Variants in QRICH2 observed in about 807,000 individuals in gnomAD.
The protein encoded by QRICH2 is glutamine-rich protein 2.
QRICH2 carries 119 observed loss-of-function variants against 168.3 expected under a neutral mutation model. The observed-to-expected ratio is 0.71, with a 90% confidence interval of 0.61 to 0.82. QRICH2 has a LOEUF of 0.82. Among genes scored for constraint, QRICH2 ranks in the 40% least tolerant of loss-of-function variants. QRICH2 has a pLI of 0.00. For synonymous variants in QRICH2, 894 were observed against 951.2 expected (o/e 0.94, Z 1.11); for missense variants, 2,241 against 2,491.6 (o/e 0.90, Z 2.14).
At position 76,280,524 on chromosome 17, in the gene QRICH2, G is replaced by GACCCCT. The variant is rs1198870074; in HGVS notation, c.4462-79_4462-74dup. The GACCCCT allele has an allele frequency of 6.3e-7, 1 of 1,589,302 alleles. No individual in the cohort carries two copies. Among genetic ancestry groups the GACCCCT allele is most frequent in the Non-Finnish European group, 8.6e-7 (1 of 1,163,468 alleles). ...AGGGGCCCCATTCCCTGGGGGTGTCGACCCCTATCACCAGGCAGGTTTCTG... is the reference window on the plus strand; with the variant it reads ...AGGGGCCCCATTCCCTGGGGGTGTCGACCCCTACCCCTATCACCAGGCAGGTTTCTG... On this transcript the variant is annotated intron_variant, in intron 10 of 18. Coordinates refer to ENST00000680821, the MANE Select transcript of QRICH2 (RefSeq NM_001388453.1). The surrounding 1 kb of genome is among the most constrained non-coding windows in gnomAD (Gnocchi z 7.4).
At chr17:76,297,931 T>C (rs150925384) in intron 3 of QRICH2, among the ~76,000 whole-genome samples, 211 of 135,778 alleles carry the variant, frequency 1.6e-3, no homozygotes, top group African/African-American at 5.2e-3. Context: ...CAGGCTGGAG[T>C]GCAGTGGCAC....
In QRICH2 at chr17:76,308,088, C is replaced by T. The variant is rs2071019570; in HGVS notation, c.-90G>A. On this transcript the variant is annotated 5_prime_UTR_variant, in exon 1 of 19. Transcript: ENST00000680821. ...CCGCGCCTTGGGGCCTTTCGGGGGC[C>T]CTGCGAGGTCCTCGGGGCGCCCCTG... The T allele has an allele frequency of 8.2e-7, 1 of 1,225,498 alleles. No individual in the cohort carries two copies. Among genetic ancestry groups the T allele is most frequent in the Non-Finnish European group, 1.0e-6 (1 of 984,592 alleles). The allele number at this position is 1,225,498 out of a possible 1,614,324, so 75.9% of individuals were successfully genotyped here. A position where few individuals can be genotyped will look rare whatever the true frequency, so the allele number is the denominator to read the frequency against.
chr17:76,293,856 T>C lies in QRICH2; in HGVS notation c.871A>G (p.Thr291Ala). 1 of 1,614,060 alleles carries C rather than the reference T, an allele frequency of 6.2e-7. No homozygotes were observed. The highest frequency in any genetic ancestry group is 1.3e-5 in the African/African-American group (1 of 75,012). ...PDRTASGSGGTAHPSDGVSSR... is the reference protein window; with the variant it reads ...PDRTASGSGGAAHPSDGVSSR... The stretch of plus-strand genomic sequence containing the variant: ...GAAACCCCATCAGAGGGGTGTGCTG[T>C]GCCACCAGATCCTGATGCAGTCCGA... Residue 291 changes from threonine to alanine, a missense_variant, in exon 4 of 19, where the codon ACA becomes GCA. By Grantham distance (58) the Thr-to-Ala change is moderately conservative. Transcript: ENST00000680821.
rs749670819 is a variant in QRICH2 at position 76,287,262 on chromosome 17, TCC to T, written c.3939_3940del (p.Ser1315ProfsTer14). The T allele has an allele frequency of 4.3e-6, 7 of 1,614,016 alleles. No individual in the cohort carries two copies. The highest frequency in any genetic ancestry group is 5.9e-6 in the Non-Finnish European group (7 of 1,179,984). Reference sequence around the variant, plus strand: ...GGCAGCCTTGCCCCTGTCTTGGCTCTCCCTCAACTCGGCCAGCTCCTTTTCTA... The same window carrying T: ...GGCAGCCTTGCCCCTGTCTTGGCTCTCTCAACTCGGCCAGCTCCTTTTCTA... On this transcript the variant is annotated frameshift_variant, in exon 7 of 19. Transcript: ENST00000680821. LOFTEE classifies it high-confidence loss of function.
At chr17:76,279,286 G>A in intron 13 of QRICH2, 77 bp downstream of exon 13, 1 of 1,386,678 alleles carries the variant, frequency 7.2e-7, no homozygotes, top group Non-Finnish European at 1.0e-6. Flanking sequence ...GAAAGGGAGA[G>A]GACAGGTGGA....
At chr17:76,285,715 G>A (rs899389209) in intron 7 of QRICH2, among the ~76,000 whole-genome samples, 2 of 151,870 alleles carry the variant, frequency 1.3e-5, no homozygotes, top group South Asian at 2.1e-4. Context: ...TGGGCATGGT[G>A]GCAGGCACCT....
Position 76,280,460 on chromosome 17 carries a change from AG to A in QRICH2, c.4462-10del. 6.2e-7 allele frequency: 1 copy of A among 1,612,978 alleles called. No homozygotes were observed. The highest frequency in any genetic ancestry group is 1.3e-5 in the African/African-American group (1 of 75,026). On this transcript the variant is annotated splice_polypyrimidine_tract_variant and intron_variant, in intron 10 of 18. Coordinates refer to ENST00000680821, the MANE Select transcript of QRICH2 (RefSeq NM_001388453.1). The surrounding 1 kb of genome is among the most constrained non-coding windows in gnomAD (Gnocchi z 7.4). Reference sequence around the variant, plus strand: ...GCACTCTTGTCGGCTTTCTGCCCAGAGACAGACAGAGGTCCCCGCATCTGGG... The same window carrying A: ...GCACTCTTGTCGGCTTTCTGCCCAGAACAGACAGAGGTCCCCGCATCTGGG...
rs1184758982 is a variant in QRICH2, at chr17:76,308,225, G to A, written c.-227C>T. 15 of 985,404 alleles carry A rather than the reference G, an allele frequency of 1.5e-5. No individual in the cohort carries two copies. The highest frequency in any genetic ancestry group is 1.8e-5 in the Non-Finnish European group (15 of 829,904). The allele number at this position is 985,404 out of a possible 1,614,324, so 61.0% of individuals were successfully genotyped here. On this transcript the variant is annotated 5_prime_UTR_variant, in exon 1 of 19. Transcript: ENST00000680821. The stretch of plus-strand genomic sequence containing the variant: ...CCCTCCGCTGTCTGTCGCTGGCCTC[G>A]GGTCCCCGAGCTGGAGCCCTGGACT...
intron 4 of QRICH2, among the ~76,000 whole-genome samples, chr17:76,290,386 G>A (rs1466072152): frequency 6.6e-6 from 1 of 151,954 alleles, no homozygotes; most frequent in Non-Finnish European, 1.5e-5. Context: ...CAAATGTTAA[G>A]TTTTGTTTTG....
intron 7 of QRICH2, among the ~76,000 whole-genome samples, chr17:76,284,034 G>T (rs1407227130): frequency 7.1e-6 from 1 of 140,434 alleles, no homozygotes; most frequent in Non-Finnish European, 1.5e-5. Context: ...CAGGCATGGC[G>T]GTGTGCACCT....
In QRICH2 at chr17:76,292,755, C is replaced by A; in HGVS notation, c.1972G>T (p.Gly658Cys). ...TCTACACCAGGCTGTACCAAGACAC[C>A]CTGACCTGTGCCAGATTGGACCAAA... ...HDLVQSGTGQ[G>C]VLVQPGVDQP... Residue 658 changes from glycine (G) to cysteine (C), a missense_variant, in exon 4 of 19, where the codon GGT (glycine) becomes TGT (cysteine). Gly to Cys is a radical substitution (Grantham distance 159, BLOSUM62 -3). This residue lies in a region of QRICH2 where 2,047 missense variants were observed against 2,303.8 expected (regional missense o/e 0.89). Coordinates refer to ENST00000680821, the MANE Select transcript of QRICH2 (RefSeq NM_001388453.1). 4 of 1,610,652 alleles carry A rather than the reference C, an allele frequency of 2.5e-6. No homozygotes were observed. In the South Asian group the frequency reaches 4.4e-5, roughly 18 times the overall value.
intron 15 of QRICH2, 90 bp downstream of exon 15, chr17:76,277,899 G>A (rs1024638196): frequency 1.7e-5 from 24 of 1,392,958 alleles, no homozygotes; most frequent in African/African-American, 2.8e-5. Context: ...CCCAGCAGTG[G>A]GGCAAGGCAT....
intron 4 of QRICH2, 132 bp downstream of exon 4, chr17:76,290,883 C>G (rs1363702316): frequency 7.1e-7 from 1 of 1,399,574 alleles, no homozygotes; most frequent in Non-Finnish European, 9.6e-7. Context: ...GGGACATGCT[C>G]TGAATGACAT....
chr17:76,304,859 C>T, intron 2 of QRICH2, 23 bp downstream of exon 2: 1 of 1,576,584 alleles, frequency 6.3e-7, no homozygotes, highest in Non-Finnish European at 8.7e-7. Context: ...AGAGCCCTTT[C>T]CCATGGAACT....
At position 76,291,405 on chromosome 17, in the gene QRICH2, A is replaced by G; in HGVS notation, c.3322T>C (p.Ser1108Pro). The change falls in exon 4 of 19, where the codon TCA becomes CCA. Residue 1108 changes from serine (S) to proline (P), a missense_variant. Physicochemically the swap from Ser to Pro is moderately conservative, Grantham distance 74 (BLOSUM62 -1). This residue lies in a region of QRICH2 where 2,047 missense variants were observed against 2,303.8 expected (regional missense o/e 0.89). Transcript: ENST00000680821. Reference protein sequence around the residue: ...HAFSLFDSHDSMYPGYRGPGY... With the variant: ...HAFSLFDSHDPMYPGYRGPGY... ...GGGCCACGATAACCAGGATACATTG[A>G]ATCATGACTGTCAAAGAGAGAGAAA... 3 of 1,614,082 alleles carry G rather than the reference A, an allele frequency of 1.9e-6. No homozygotes were observed. The highest frequency in any genetic ancestry group is 2.2e-5 in the South Asian group (2 of 91,078).
chr17:76,277,382 G>A (rs2070701760), intron 15 of QRICH2, 72 bp from the exon 16 acceptor site: 1 of 1,537,684 alleles, frequency 6.5e-7, no homozygotes, highest in Middle Eastern at 1.7e-4. Flanking sequence ...ACCCACCCAT[G>A]GGGCTGACCA....
In QRICH2 at chr17:76,308,127, C is replaced by T. The variant is rs1224086470; in HGVS notation, c.-129G>A. The T allele has an allele frequency of 1.7e-6, 2 of 1,186,414 alleles. No homozygotes were observed. The highest frequency in any genetic ancestry group is 2.0e-6 in the Non-Finnish European group (2 of 977,178). The allele number at this position is 1,186,414 out of a possible 1,614,324, so 73.5% of individuals were successfully genotyped here. ...GGGGCGCCCCTGCCCCGGGTCCGGC[C>T]GAGTCACTGGACAGAGCTCCTGCCT... On this transcript the variant is annotated 5_prime_UTR_variant, in exon 1 of 19. Transcript: ENST00000680821.
intron 7 of QRICH2, among the ~76,000 whole-genome samples, chr17:76,285,379 G>A (rs914532073): frequency 6.6e-6 from 1 of 151,526 alleles, no homozygotes; most frequent in East Asian, 2.0e-4. Context: ...TGATCCACCC[G>A]TCTGGGCCTC....
At chr17:76,295,360 T>C (rs905614647) in intron 3 of QRICH2, among the ~76,000 whole-genome samples, 12 of 151,828 alleles carry the variant, frequency 7.9e-5, no homozygotes, top group South Asian at 6.2e-4. Flanking sequence ...AAACCATATA[T>C]TTAAAATGTA....
Sources: allele counts gnomAD v4.1 joint callset (sites outside exome capture counted in the v4.1 genomes callset), GRCh38; gene constraint gnomAD v4.1.1; regional missense constraint gnomAD v4.1.1; non-coding constraint Gnocchi (gnomAD v3.1); transcripts MANE v1.5; gene names NCBI Gene and HGNC (gene_info 2026-07-23, HGNC 2026-07-21).